The following COL4A2 variants were observed in gnomAD, a reference collection of about 807,000 sequenced individuals.
COL4A2 encodes collagen type IV alpha 2 chain, also known as collagen alpha-2(IV) chain.
Under a neutral mutation model 200.2 loss-of-function variants are expected in COL4A2, and 99 were observed. The observed-to-expected ratio is 0.49, with a 90% CI of 0.42 to 0.58. COL4A2 has a LOEUF of 0.58. COL4A2 is among the 20% of genes least tolerant of loss of function. The probability of loss-of-function intolerance (pLI) is 0.00; values close to 1 mark genes in which losing one functional copy is unlikely to be tolerated. For synonymous variants in COL4A2, 897 were observed against 900.6 expected, an observed-to-expected ratio of 1.00 and a Z score of 0.07; for missense variants, 1,950 against 2,314.1, an observed-to-expected ratio of 0.84 and a Z score of 3.23.
chr13:110,315,254 G>T (rs373125742), intron 3 of COL4A2, among the ~76,000 whole-genome samples: 2 of 152,200 alleles, frequency 1.3e-5, no homozygotes, highest in South Asian at 2.1e-4. Flanking sequence ...TGCAACTGAG[G>T]CCCATTTCAG....
At chr13:110,354,029 A>G (rs1001251923) in intron 3 of COL4A2, among the ~76,000 whole-genome samples, 1 of 152,254 alleles carries the variant, frequency 6.6e-6, no homozygotes, top group Non-Finnish European at 1.5e-5. Flanking sequence ...TACAGTGAAT[A>G]TCGTAAACCT....
chr13:110,423,786 T>C (rs1880350947), intron 4 of COL4A2, among the ~76,000 whole-genome samples: 1 of 152,186 alleles, frequency 6.6e-6, no homozygotes, highest in Non-Finnish European at 1.5e-5. Flanking sequence ...TTGAGCGTGC[T>C]AGGGACTGCA....
At chr13:110,472,150 C>G (rs1033735637) in intron 28 of COL4A2, among the ~76,000 whole-genome samples, 1 of 65,966 alleles carries the variant, frequency 1.5e-5, no homozygotes, top group African/African-American at 3.7e-5. Flanking sequence ...GAATCTCACT[C>G]TGTCGCCCAG....
At chr13:110,320,120 TC>T (rs1885239016) in intron 3 of COL4A2, among the ~76,000 whole-genome samples, 1 of 152,246 alleles carries the variant, frequency 6.6e-6, no homozygotes, top group South Asian at 2.1e-4. Flanking sequence ...TGTGTCTCTG[TC>T]CACCCGAAGG....
chr13:110,419,987 T>TG (rs1413190279), intron 4 of COL4A2, among the ~76,000 whole-genome samples: 17 of 152,304 alleles, frequency 1.1e-4, no homozygotes, highest in African/African-American at 3.8e-4. Flanking sequence ...AATGCCAGGA[T>TG]GGGGGTTATG....
At chr13:110,320,673 CAG>C (rs35529685) in intron 3 of COL4A2, among the ~76,000 whole-genome samples, 19,417 of 152,140 alleles carry the variant, frequency 0.13, 1,529 homozygotes, top group Non-Finnish European at 0.18. Flanking sequence ...TATATCAAAA[CAG>C]AGCAGCGTCT....
At chr13:110,469,439 C>T (rs745416189) in intron 28 of COL4A2, 115 bp downstream of exon 28, 42 of 1,100,860 alleles carry the variant, frequency 3.8e-5, no homozygotes, top group South Asian at 4.9e-5. Context: ...TTAACAAATA[C>T]TTGACAACTT....
At chr13:110,470,836 G>A (rs1164246401) in intron 28 of COL4A2, among the ~76,000 whole-genome samples, 5 of 152,104 alleles carry the variant, frequency 3.3e-5, no homozygotes, top group South Asian at 4.1e-4. Context: ...GGTATCTTTC[G>A]GAATTTTGTG....
intron 6 of COL4A2, among the ~76,000 whole-genome samples, chr13:110,428,218 A>G (rs560811655): frequency 6.6e-6 from 1 of 152,372 alleles, no homozygotes; most frequent in Non-Finnish European, 1.5e-5. Flanking sequence ...AAACCCCGAC[A>G]GTGTACTTCT....
intron 7 of COL4A2, 101 bp from the exon 8 acceptor site, chr13:110,429,784 C>A: frequency 8.4e-7 from 1 of 1,183,976 alleles, no homozygotes; most frequent in Non-Finnish European, 1.2e-6. Context: ...AGACCTTGCC[C>A]ACAAAAGTCA....
intron 3 of COL4A2, among the ~76,000 whole-genome samples, chr13:110,351,603 A>T (rs1429398462): frequency 6.6e-6 from 1 of 152,236 alleles, no homozygotes; most frequent in Non-Finnish European, 1.5e-5. Context: ...TTTTGGTTCC[A>T]CAACACTAAA....
At position 110,308,365 on chromosome 13, in the gene COL4A2, A is replaced by G. The variant is rs4773144; in HGVS notation, c.99+242A>G. Among the ~76,000 whole-genome samples the G allele has an allele frequency of 0.42, 63,603 of 151,942 alleles. 13,434 individuals carry two copies. Among genetic ancestry groups the G allele is most frequent in the Middle Eastern group, 0.55 (163 of 294 alleles). ...TTGCAAGCGTCGGCCTTTCACGGGA[A>G]CTGGGAACTTAAAATGTAGCCTGAG... On this transcript the variant is annotated intron_variant, in intron 3 of 47. Coordinates refer to ENST00000360467, the MANE Select transcript of COL4A2 (RefSeq NM_001846.4).
At chr13:110,360,808 G>A (rs575771883) in intron 4 of COL4A2, among the ~76,000 whole-genome samples, 18 of 151,574 alleles carry the variant, frequency 1.2e-4, no homozygotes, top group Non-Finnish European at 1.3e-4. Context: ...CCCGGGGCCT[G>A]GACTGTGGGA....
In COL4A2 at chr13:110,485,789, G is replaced by C. The variant is rs1883100491; in HGVS notation, c.3160G>C (p.Ala1054Pro). 1.2e-6 allele frequency: 2 copies of C among 1,613,772 alleles called. No individual in the cohort carries two copies. The highest frequency in any genetic ancestry group is 4.5e-5 in the East Asian group (2 of 44,840). ...IPGLPGFPGVAGPPGITGFPG... is the reference protein window; with the variant it reads ...IPGLPGFPGVPGPPGITGFPG... Reference sequence around the variant, plus strand: ...CGGTTTGCCAGGATTCCCTGGGGTGGCTGGCCCCCCTGGAATTACGGGATT... The same window carrying C: ...CGGTTTGCCAGGATTCCCTGGGGTGCCTGGCCCCCCTGGAATTACGGGATT... The change falls in exon 34 of 48, where the codon GCT (alanine) becomes CCT (proline). Residue 1054 changes from alanine to proline, a missense_variant. Coordinates refer to ENST00000360467, the MANE Select transcript of COL4A2 (RefSeq NM_001846.4).
At chr13:110,428,864 A>C (rs188136891) in intron 7 of COL4A2, among the ~76,000 whole-genome samples, 161 of 152,318 alleles carry the variant, frequency 1.1e-3, no homozygotes, top group African/African-American at 3.7e-3. Context: ...TGGAATCGTA[A>C]ACGCAAATTA....
rs750564362 is a variant in COL4A2, at chr13:110,495,462, C to G, written c.3755C>G (p.Ala1252Gly). Reference protein sequence around the residue: ...GVPGQKGDQGAPGERGPPGSP... With the variant: ...GVPGQKGDQGGPGERGPPGSP... ...CCAGGACAGAAAGGAGACCAAGGAG[C>G]TCCAGGTGAGGCCACACATTCCAAG... Residue 1252 changes from alanine to glycine, a missense_variant, in exon 40 of 48, where the codon GCT becomes GGT. By Grantham distance (60) the Ala-to-Gly change is moderately conservative. Transcript: ENST00000360467. The G allele has an allele frequency of 6.2e-7, 1 of 1,612,006 alleles. No individual in the cohort carries two copies. Among genetic ancestry groups the G allele is most frequent in the South Asian group, 1.1e-5 (1 of 90,768 alleles).
At chr13:110,328,073 G>A (rs1047772946) in intron 3 of COL4A2, among the ~76,000 whole-genome samples, 1 of 152,176 alleles carries the variant, frequency 6.6e-6, no homozygotes, top group South Asian at 2.1e-4. Context: ...GCAGTAAACT[G>A]TAGGCAAGAA....
intron 3 of COL4A2, among the ~76,000 whole-genome samples, chr13:110,348,780 G>GGAA (rs1876823326): frequency 6.6e-6 from 1 of 152,114 alleles, no homozygotes; most frequent in Non-Finnish European, 1.5e-5. Flanking sequence ...CTCTGTGGAG[G>GGAA]GAATTTGGGT....
At chr13:110,387,645 G>A (rs1594185410) in intron 4 of COL4A2, among the ~76,000 whole-genome samples, 2 of 152,386 alleles carry the variant, frequency 1.3e-5, no homozygotes, top group African/African-American at 2.4e-5. Flanking sequence ...CTAAGAATAG[G>A]TGGCTTCCGG....
Sources: allele counts gnomAD v4.1 joint callset (sites outside exome capture counted in the v4.1 genomes callset), GRCh38; gene constraint gnomAD v4.1.1; transcripts MANE v1.5; gene names NCBI Gene and HGNC (gene_info 2026-07-23, HGNC 2026-07-21).